MYO16: variants seen among roughly 807,000 people sequenced by gnomAD.
MYO16 encodes the protein unconventional myosin-XVI.
In MYO16, 94 loss-of-function variants were observed where a neutral mutation model predicts 205.3. That is an observed-to-expected ratio of 0.46 (90% CI 0.39 to 0.54). MYO16 has a LOEUF of 0.54. Ranked by LOEUF, MYO16 falls within the 20% of genes least tolerant of loss-of-function variation. MYO16 has a pLI of 0.00. For synonymous variants in MYO16, 988 were observed against 954.0 expected, an observed-to-expected ratio of 1.04 and a Z score of -0.66; for missense variants, 2,315 against 2,387.5, an observed-to-expected ratio of 0.97 and a Z score of 0.63.
the MYO16 span, among the ~76,000 whole-genome samples, chr13:108,553,789 C>T: frequency 1.6e-5 from 2 of 125,412 alleles, no homozygotes; most frequent in African/African-American, 2.5e-5. Context: ...GGATGTTTCA[C>T]GTGTCTTCTT....
At chr13:108,879,604 A>G (rs1879501755) in intron 12 of MYO16, among the ~76,000 whole-genome samples, 2 of 152,148 alleles carry the variant, frequency 1.3e-5, no homozygotes, top group East Asian at 3.9e-4. Flanking sequence ...GAGTGAGAAC[A>G]TGAGGTGTTT....
At chr13:108,499,304 T>C in the MYO16 span, among the ~76,000 whole-genome samples, 2,395 of 152,326 alleles carry the variant, frequency 0.016, 61 homozygotes, top group African/African-American at 0.054. Flanking sequence ...AGATTGTAAA[T>C]TTCTAAGGAC....
intron 15 of MYO16, among the ~76,000 whole-genome samples, chr13:108,902,696 C>T (rs1594382912): frequency 6.6e-6 from 1 of 152,108 alleles, no homozygotes; most frequent in Non-Finnish European, 1.5e-5. Flanking sequence ...GTCTCTGCCT[C>T]TATTGACTCA....
chr13:108,675,923 A>G (rs920864994), intron 2 of MYO16, among the ~76,000 whole-genome samples: 2 of 152,186 alleles, frequency 1.3e-5, no homozygotes, highest in Non-Finnish European at 2.9e-5. Flanking sequence ...ATATTTCTGC[A>G]GATAAGGTTA....
chr13:108,784,457 A>G (rs1234179701), intron 4 of MYO16, among the ~76,000 whole-genome samples: 1 of 152,184 alleles, frequency 6.6e-6, no homozygotes, highest in East Asian at 1.9e-4. Context: ...TTGGGGGAAA[A>G]TGTTAAGATA....
rs75016500 is a variant in MYO16 at position 109,031,522 on chromosome 13, T to C, written c.2796+11611T>C. ...CACTGATGGATGCTCTACTTACCAGTTGGGCATAAATGATACCTTTTAAAC... is the reference window on the plus strand; with the variant it reads ...CACTGATGGATGCTCTACTTACCAGCTGGGCATAAATGATACCTTTTAAAC... On this transcript the variant is annotated intron_variant, in intron 23 of 34. Transcript: ENST00000457511. Among the ~76,000 whole-genome samples the C allele has an allele frequency of 1.1e-3, 171 of 152,340 alleles. 2 individuals carry two copies. Among genetic ancestry groups the C allele is most frequent in the African/African-American group, 4.0e-3 (167 of 41,586 alleles).
At chr13:108,989,632 A>T (rs1884754412) in intron 20 of MYO16, among the ~76,000 whole-genome samples, 4 of 152,128 alleles carry the variant, frequency 2.6e-5, no homozygotes, top group Admixed American at 2.6e-4. Context: ...CTTGTTGATA[A>T]GTCTTTAAAA....
intron 27 of MYO16, among the ~76,000 whole-genome samples, chr13:109,063,011 GAAC>G (rs955435755): frequency 2.0e-5 from 3 of 152,088 alleles, no homozygotes; most frequent in Admixed American, 2.0e-4. Flanking sequence ...CAAAAATCTT[GAAC>G]AACAACAACA....
At chr13:108,665,828 C>T in intron 1 of MYO16, 58 bp from the exon 2 acceptor site, 1 of 1,530,294 alleles carries the variant, frequency 6.5e-7, no homozygotes, top group Non-Finnish European at 8.9e-7. Flanking sequence ...TGCTGTGGTG[C>T]ACACTTATAG....
intron 1 of MYO16, among the ~76,000 whole-genome samples, chr13:108,607,555 G>A (rs1879006368): frequency 6.6e-6 from 1 of 152,016 alleles, no homozygotes; most frequent in African/African-American, 2.4e-5. Flanking sequence ...ATTTCCTGAG[G>A]CCTCCCTAGC....
intron 13 of MYO16, chr13:108,886,611 C>T (rs1046476943): frequency 9.7e-6 from 4 of 413,062 alleles, no homozygotes; most frequent in Middle Eastern, 7.7e-4. Flanking sequence ...CCTTCCAGTG[C>T]GCATGCTGAG....
chr13:109,052,182 C>T lies in MYO16; in HGVS notation c.2873-118C>T, dbSNP rs537781194. On this transcript the variant is annotated intron_variant, in intron 24 of 34. Transcript: ENST00000457511. ...AAGGTAGACTCCTCAATCTGCTGAA[C>T]GAATGACGTCTTGCACCCAGAATGT... 11 of 812,280 alleles carry T rather than the reference C, an allele frequency of 1.4e-5. No homozygotes were observed. In the Admixed American group the frequency reaches 1.7e-4, roughly 12 times the overall value. 50.3% of individuals were successfully genotyped at this position (812,280 alleles called of 1,614,324 possible). A position where few individuals can be genotyped will look rare whatever the true frequency, so the allele number is the denominator to read the frequency against.
At chr13:108,535,866 C>A in the MYO16 span, among the ~76,000 whole-genome samples, 203 of 152,228 alleles carry the variant, frequency 1.3e-3, no homozygotes, top group African/African-American at 4.7e-3. Flanking sequence ...TAATGTTGAT[C>A]ATTTTATTTG....
intron 32 of MYO16, among the ~76,000 whole-genome samples, chr13:109,154,416 G>C (rs1410680373): frequency 1.3e-5 from 2 of 152,136 alleles, no homozygotes; most frequent in Non-Finnish European, 2.9e-5. Flanking sequence ...GATGGGCCCT[G>C]GTCTGTGTCT....
At chr13:108,655,689 A>T (rs1324495520) in intron 1 of MYO16, among the ~76,000 whole-genome samples, 2 of 152,094 alleles carry the variant, frequency 1.3e-5, no homozygotes, top group African/African-American at 4.8e-5. Flanking sequence ...CCGGGGCTAT[A>T]CCCTGCAAAG....
At chr13:108,795,241 GA>G (rs1458291155) in intron 6 of MYO16, among the ~76,000 whole-genome samples, 1 of 151,200 alleles carries the variant, frequency 6.6e-6, no homozygotes, top group Non-Finnish European at 1.5e-5. Context: ...ACCCAGGCTG[GA>G]GTGCAATGGC....
At chr13:109,179,303 T>C (rs1212736042) in intron 33 of MYO16, among the ~76,000 whole-genome samples, 1 of 152,220 alleles carries the variant, frequency 6.6e-6, no homozygotes, top group Non-Finnish European at 1.5e-5. Context: ...TTATCACATA[T>C]CTCCTTATTA....
At chr13:109,148,321 A>T (rs1566533219) in intron 32 of MYO16, among the ~76,000 whole-genome samples, 1 of 152,176 alleles carries the variant, frequency 6.6e-6, no homozygotes, top group Non-Finnish European at 1.5e-5. Context: ...CGCTTTCTCT[A>T]TATAAATGCC....
At chr13:109,143,127 T>G (rs1877178307) in intron 32 of MYO16, among the ~76,000 whole-genome samples, 1 of 152,070 alleles carries the variant, frequency 6.6e-6, no homozygotes, top group Admixed American at 6.5e-5. Flanking sequence ...TGACCTACAG[T>G]GTAGTAACAC....
Sources: allele counts gnomAD v4.1 joint callset (sites outside exome capture counted in the v4.1 genomes callset), GRCh38; gene constraint gnomAD v4.1.1; transcripts MANE v1.5; gene names NCBI Gene and HGNC (gene_info 2026-07-23, HGNC 2026-07-21).